USP47: variants seen among roughly 807,000 people sequenced by gnomAD.
USP47 encodes the protein ubiquitin carboxyl-terminal hydrolase 47.
A neutral mutation model predicts 165.1 loss-of-function variants in USP47; 35 were observed. That is an observed-to-expected ratio of 0.21 (90% CI 0.16 to 0.28). USP47 has a LOEUF of 0.28. USP47 is among the 10% of genes least tolerant of loss of function. The pLI is 1.00. For missense variants in USP47, 1,277 were observed against 1,607.4 expected (o/e 0.79, Z 3.52); for synonymous variants, 531 against 544.5 (o/e 0.98, Z 0.35).
At chr11:11,953,926 GCAATTAAA>G (rs1359733666) in intron 25 of USP47, among the ~76,000 whole-genome samples, 1 of 152,084 alleles carries the variant, frequency 6.6e-6, no homozygotes, top group East Asian at 1.9e-4. Context: ...TTTCGGATTT[GCAATTAAA>G]CATCTGGGAA....
intron 24 of USP47, chr11:11,951,171 C>T (rs919186973): frequency 5.9e-5 from 9 of 152,434 alleles, no homozygotes; most frequent in Non-Finnish European, 2.9e-5. Flanking sequence ...ACCCCAGTCT[C>T]TGCCTTCATC....
intron 23 of USP47, 102 bp downstream of exon 23, chr11:11,950,106 G>A: frequency 1.1e-6 from 1 of 880,824 alleles, no homozygotes; most frequent in Non-Finnish European, 1.7e-6. Flanking sequence ...AAAATTTCCT[G>A]TGCTATTCAG....
intron 15 of USP47, 73 bp downstream of exon 15, chr11:11,933,189 A>T: frequency 2.6e-6 from 3 of 1,163,512 alleles, no homozygotes; most frequent in Non-Finnish European, 3.8e-6. Flanking sequence ...TCTAATGACT[A>T]ACTCATTGGG....
intron 1 of USP47, among the ~76,000 whole-genome samples, chr11:11,868,483 T>C (rs1849825835): frequency 6.6e-6 from 1 of 152,232 alleles, no homozygotes; most frequent in South Asian, 2.1e-4. Flanking sequence ...GGTTCCTATT[T>C]ATTGCTTAGT....
At chr11:11,851,822 A>G (rs940955543) in intron 1 of USP47, among the ~76,000 whole-genome samples, 4 of 152,060 alleles carry the variant, frequency 2.6e-5, no homozygotes, top group African/African-American at 9.7e-5. Context: ...ATGGCTCTCA[A>G]TTTGGGTTTG....
rs80175452 is a variant in USP47 at position 11,958,650 on chromosome 11, A to G, written c.*2475A>G. 1 of 152,236 alleles carries G rather than the reference A, an allele frequency of 6.6e-6. No homozygotes were observed. Among genetic ancestry groups the G allele is most frequent in the Middle Eastern group, 3.2e-3 (1 of 316 alleles). 9.4% of individuals were successfully genotyped at this position (152,236 alleles called of 1,614,324 possible). On this transcript the variant is annotated 3_prime_UTR_variant, in exon 28 of 28. Transcript: ENST00000527733. ...TTGAAGAGCTTTTACCGTGGGGCAG[A>G]TGAACTTGTGTCAACCATGCACACC...
intron 8 of USP47, among the ~76,000 whole-genome samples, chr11:11,909,450 TTTTG>T (rs1438840383): frequency 6.6e-6 from 1 of 152,184 alleles, no homozygotes; most frequent in African/African-American, 2.4e-5. Flanking sequence ...AATATTAACT[TTTTG>T]TTTGTTAATT....
At chr11:11,938,457 C>T in intron 18 of USP47, 85 bp downstream of exon 18, 1 of 917,406 alleles carries the variant, frequency 1.1e-6, no homozygotes, top group East Asian at 2.6e-5. Flanking sequence ...GAATAAGATA[C>T]ATGCTTTACC....
In USP47 at chr11:11,921,449, G is replaced by C. The variant is rs1853830857; in HGVS notation, c.1218+955G>C. On this transcript the variant is annotated intron_variant, in intron 10 of 27. Coordinates refer to ENST00000527733, the MANE Select transcript of USP47 (RefSeq NM_001282659.2). ...TTGTCCTGCTACTTGCTAGCCTCTT[G>C]ACCTTGGATAATTCATAAAACCTTT... Among the ~76,000 whole-genome samples, 4 of 151,846 alleles carry C rather than the reference G, an allele frequency of 2.6e-5. No homozygotes were observed. In the South Asian group the frequency reaches 8.3e-4, roughly 31 times the overall value.
chr11:11,909,914 A>G (rs1471042384), intron 8 of USP47, among the ~76,000 whole-genome samples: 4 of 152,194 alleles, frequency 2.6e-5, no homozygotes, highest in African/African-American at 4.8e-5. Flanking sequence ...TCTTACCCTG[A>G]CATAACAGGT....
intron 10 of USP47, 116 bp downstream of exon 10, chr11:11,920,610 A>AG: frequency 1.1e-6 from 1 of 928,844 alleles, no homozygotes; most frequent in Admixed American, 3.8e-5. Flanking sequence ...TCTTGATGGA[A>AG]ACTTTTTCTT....
intron 1 of USP47, among the ~76,000 whole-genome samples, chr11:11,843,967 T>A (rs1459687424): frequency 1.1e-4 from 17 of 152,204 alleles, no homozygotes; most frequent in Non-Finnish European, 1.0e-4. Context: ...CAGTCTTCTT[T>A]TTCCCTGGTT....
chr11:11,950,089 G>A, intron 23 of USP47, 85 bp downstream of exon 23: 1 of 1,028,560 alleles, frequency 9.7e-7, no homozygotes, highest in Middle Eastern at 2.1e-4. Context: ...CTAAAACTAG[G>A]AGAATTAAAA....
At chr11:11,939,206 C>T (rs1435472916) in intron 18 of USP47, among the ~76,000 whole-genome samples, 2 of 151,986 alleles carry the variant, frequency 1.3e-5, no homozygotes, top group Non-Finnish European at 2.9e-5. Context: ...CTCTGCAGAA[C>T]CCTGAGCATA....
chr11:11,899,001 G>C (rs1852020761), intron 5 of USP47, among the ~76,000 whole-genome samples: 1 of 152,214 alleles, frequency 6.6e-6, no homozygotes. Flanking sequence ...TGAAGGCACA[G>C]AGAAATATAG....
chr11:11,936,404 T>G lies in USP47; in HGVS notation c.1971T>G (p.Asp657Glu), dbSNP rs747323060. 1.9e-6 allele frequency: 3 copies of G among 1,610,722 alleles called. No homozygotes were observed. The highest frequency in any genetic ancestry group is 1.7e-4 in the Middle Eastern group (1 of 6,042). ...AACGGTCATATGAAGGAGAAGAAGA[T>G]ACACCAATGGGGCTTCTACTAGGTG... The part of the protein sequence containing the change: ...YLERSYEGEE[D>E]TPMGLLLGGV... Residue 657 changes from aspartate to glutamate, a missense_variant, in exon 17 of 28, where the codon GAT becomes GAG. By Grantham distance (45) the Asp-to-Glu change is conservative (BLOSUM62 2). This residue lies in a region of USP47 where 909 missense variants were observed against 1,068.1 expected (regional missense o/e 0.85). Coordinates refer to ENST00000527733, the MANE Select transcript of USP47 (RefSeq NM_001282659.2).
chr11:11,895,492 G>A (rs1851790584), intron 4 of USP47, among the ~76,000 whole-genome samples: 1 of 152,096 alleles, frequency 6.6e-6, no homozygotes, highest in Non-Finnish European at 1.5e-5. Flanking sequence ...TATAAATTTT[G>A]GCACCATGTG....
chr11:11,896,744 A>G (rs568358919), intron 4 of USP47, among the ~76,000 whole-genome samples: 1 of 152,244 alleles, frequency 6.6e-6, no homozygotes, highest in Non-Finnish European at 1.5e-5. Flanking sequence ...CGGATTAAAT[A>G]TAGGATCCTA....
chr11:11,848,263 T>G (rs1419691536), intron 1 of USP47, among the ~76,000 whole-genome samples: 5 of 152,216 alleles, frequency 3.3e-5, no homozygotes. Context: ...ACAGTGTGCT[T>G]GCACAAACCT....
Sources: gnomAD v4.1 joint callset for allele counts (sites outside exome capture counted in the v4.1 genomes callset) on GRCh38, gnomAD v4.1.1 for gene constraint, gnomAD v4.1.1 regional missense constraint, MANE v1.5 for transcripts, NCBI Gene and HGNC (gene_info 2026-07-23, HGNC 2026-07-21) for gene names.